SPTBN1: variants seen among roughly 807,000 people sequenced by gnomAD.
SPTBN1 encodes spectrin beta, non-erythrocytic 1, also known as spectrin beta chain, non-erythrocytic 1.
In SPTBN1, 32 loss-of-function variants were observed where a neutral mutation model predicts 266.4. That is an observed-to-expected ratio of 0.12 (90% CI 0.09 to 0.16). The LOEUF (loss-of-function observed/expected upper bound fraction) is 0.16, where lower values mean the gene tolerates loss of function less well. SPTBN1 is among the 10% of genes least tolerant of loss of function. The probability of loss-of-function intolerance (pLI) is 1.00; values close to 1 mark genes in which losing one functional copy is unlikely to be tolerated. For missense variants in SPTBN1, 2,296 were observed against 3,067.1 expected, an observed-to-expected ratio of 0.75 and a Z score of 5.94; for synonymous variants, 1,336 against 1,162.2, an observed-to-expected ratio of 1.15 and a Z score of -3.04.
intron 1 of SPTBN1, among the ~76,000 whole-genome samples, chr2:54,466,895 C>G (rs1317483887): frequency 6.6e-6 from 1 of 152,160 alleles, no homozygotes; most frequent in East Asian, 1.9e-4. Flanking sequence ...ATATAAAGAA[C>G]ACTGAAATTT....
At chr2:54,595,755 C>G (rs1006809079) in intron 2 of SPTBN1, among the ~76,000 whole-genome samples, 1 of 152,168 alleles carries the variant, frequency 6.6e-6, no homozygotes, top group Non-Finnish European at 1.5e-5. Flanking sequence ...CAACCTAGCA[C>G]CGCTGATATT....
intron 4 of SPTBN1, among the ~76,000 whole-genome samples, chr2:54,613,274 C>A (rs990299200): frequency 6.6e-6 from 1 of 151,654 alleles, no homozygotes; most frequent in East Asian, 1.9e-4. Context: ...TGTTCTCTTG[C>A]CATTCCTTCC....
chr2:54,469,285 T>C (rs1316108437), intron 1 of SPTBN1, among the ~76,000 whole-genome samples: 1 of 152,180 alleles, frequency 6.6e-6, no homozygotes, highest in Non-Finnish European at 1.5e-5. Context: ...TAAAAAAAGC[T>C]CTTTCCAGCA....
rs534393421 is a variant in SPTBN1 at position 54,661,381 on chromosome 2, T to C, written c.6420+1382T>C. ...GTGTCAGTGGAATCAGAAACCTGTT[T>C]TGATATGTGTTCTCTATGAGTTAAG... On this transcript the variant is annotated intron_variant, in intron 32 of 35. Coordinates refer to ENST00000356805, the MANE Select transcript of SPTBN1 (RefSeq NM_003128.3). 74 of 985,882 alleles carry C rather than the reference T, an allele frequency of 7.5e-5. No individual in the cohort carries two copies. In the African/African-American group the frequency reaches 1.1e-3, roughly 15 times the overall value. 61.1% of individuals were successfully genotyped at this position (985,882 alleles called of 1,614,324 possible). A position where few individuals can be genotyped will look rare whatever the true frequency, so the allele number is the denominator to read the frequency against.
rs1278580481 is a variant in SPTBN1, at chr2:54,619,928, G to A, written c.764-1472G>A. ...AATTTTGCTCCATACAAGGCTGTCA[G>A]GGGCGGCGATAGGAATGGGGGTGTA... is the stretch of plus-strand genomic sequence containing the variant. On this transcript the variant is annotated intron_variant, in intron 7 of 35. Transcript: ENST00000356805. Among the ~76,000 whole-genome samples, 5 of 152,340 alleles carry A rather than the reference G, an allele frequency of 3.3e-5. 1 individual carries two copies. The highest frequency in any genetic ancestry group is 2.9e-5 in the Non-Finnish European group (2 of 68,028).
chr2:54,652,020 C>T (rs1314360510), intron 26 of SPTBN1, among the ~76,000 whole-genome samples: 1 of 152,124 alleles, frequency 6.6e-6, no homozygotes, highest in Non-Finnish European at 1.5e-5. Flanking sequence ...CGCCTTTTAC[C>T]CCACTTAGCA....
chr2:54,528,838 G>C lies in SPTBN1; in HGVS notation c.148+2272G>C, dbSNP rs569657241. On this transcript the variant is annotated intron_variant, in intron 2 of 35. Transcript: ENST00000356805. ...AGAAACCAGGGCAAAATATTGAAAAGGAAAGATGCTGCTTCCAGGTTAAAT... is the reference window on the plus strand; with the variant it reads ...AGAAACCAGGGCAAAATATTGAAAACGAAAGATGCTGCTTCCAGGTTAAAT... 2.0e-5 allele frequency: 3 copies of C among 152,418 alleles called. No homozygotes were observed. The East Asian group carries it at 5.8e-4, about 29-fold the overall frequency. 9.4% of individuals were successfully genotyped at this position (152,418 alleles called of 1,614,324 possible). A position where few individuals can be genotyped will look rare whatever the true frequency, so the allele number is the denominator to read the frequency against.
intron 2 of SPTBN1, among the ~76,000 whole-genome samples, chr2:54,585,959 G>A (rs1479877774): frequency 6.6e-6 from 1 of 152,226 alleles, no homozygotes; most frequent in African/African-American, 2.4e-5. Flanking sequence ...AGAATACTCT[G>A]TGAGAAGTGA....
intron 2 of SPTBN1, among the ~76,000 whole-genome samples, chr2:54,591,732 T>G (rs1389247958): frequency 6.6e-6 from 1 of 152,368 alleles, no homozygotes; most frequent in Middle Eastern, 3.4e-3. Flanking sequence ...TGTTTAGCAC[T>G]CTGTGCTGAG....
chr2:54,624,690 A>G, intron 10 of SPTBN1, 114 bp from the exon 11 acceptor site: 1 of 1,466,140 alleles, frequency 6.8e-7, no homozygotes. Flanking sequence ...GGGATTTCCC[A>G]TTCAAGCTGT....
intron 1 of SPTBN1, among the ~76,000 whole-genome samples, chr2:54,519,751 G>A (rs944835361): frequency 1.3e-5 from 2 of 152,282 alleles, no homozygotes; most frequent in Admixed American, 6.5e-5. Context: ...AGCATTGTAG[G>A]GGAATGGATT....
intron 2 of SPTBN1, among the ~76,000 whole-genome samples, chr2:54,531,286 G>A (rs1244563795): frequency 6.6e-6 from 1 of 152,078 alleles, no homozygotes; most frequent in Non-Finnish European, 1.5e-5. Flanking sequence ...TTATCCTATG[G>A]GATTTAACAA....
intron 33 of SPTBN1, among the ~76,000 whole-genome samples, chr2:54,665,402 T>A (rs1462618925): frequency 6.6e-6 from 1 of 152,184 alleles, no homozygotes; most frequent in African/African-American, 2.4e-5. Flanking sequence ...CAGTTTGCCA[T>A]ACCATAGGGG....
intron 2 of SPTBN1, among the ~76,000 whole-genome samples, chr2:54,561,496 A>G (rs1249017304): frequency 6.6e-6 from 1 of 152,058 alleles, no homozygotes; most frequent in Admixed American, 6.6e-5. Flanking sequence ...TGATAGTGCT[A>G]TGATTTTTCT....
chr2:54,637,195 T>G (rs568377098), intron 17 of SPTBN1, among the ~76,000 whole-genome samples: 1 of 152,356 alleles, frequency 6.6e-6, no homozygotes, highest in Admixed American at 6.5e-5. Flanking sequence ...ATTGAGTTAG[T>G]ATATAGTCTT....
chr2:54,576,073 G>GTTTTTTTTTTTTTTTTTTTTTTTT (rs1674449935), intron 2 of SPTBN1, among the ~76,000 whole-genome samples: 2 of 4,834 alleles, frequency 4.1e-4, no homozygotes, highest in Admixed American at 2.0e-3. Flanking sequence ...TTTTTTTTTT[G>GTTTTTTTTTTTTTTTTTTTTTTTT]AGAGACAGTC....
intron 15 of SPTBN1, 96 bp downstream of exon 15, chr2:54,630,125 G>C: frequency 1.3e-6 from 2 of 1,482,596 alleles, no homozygotes. Context: ...TTTCCCACAT[G>C]GGGTCATCGA....
At chr2:54,586,672 C>G (rs1208652100) in intron 2 of SPTBN1, among the ~76,000 whole-genome samples, 1 of 152,208 alleles carries the variant, frequency 6.6e-6, no homozygotes, top group Non-Finnish European at 1.5e-5. Flanking sequence ...TTGACTCCCC[C>G]TCTTTCTGGT....
chr2:54,528,869 T>C (rs557088188), intron 2 of SPTBN1, among the ~76,000 whole-genome samples: 2 of 151,942 alleles, frequency 1.3e-5, no homozygotes, highest in African/African-American at 4.9e-5. Context: ...TAAATGATAC[T>C]GGATGGGGGG....
Sources: gnomAD v4.1 joint callset for allele counts (sites outside exome capture counted in the v4.1 genomes callset) on GRCh38, gnomAD v4.1.1 for gene constraint, MANE v1.5 for transcripts, NCBI Gene and HGNC (gene_info 2026-07-23, HGNC 2026-07-21) for gene names.